GLRA3: variants seen among roughly 807,000 people sequenced by gnomAD.
The protein encoded by GLRA3 is glycine receptor subunit alpha-3.
Under a neutral mutation model 60.4 loss-of-function variants are expected in GLRA3, and 44 were observed. The observed-to-expected ratio is 0.73, with a 90% confidence interval of 0.57 to 0.94. GLRA3 has a LOEUF of 0.94. Ranked by LOEUF, GLRA3 falls within the 40% of genes least tolerant of loss-of-function variation. GLRA3 has a pLI of 0.00. For synonymous variants in GLRA3, 223 were observed against 192.9 expected (o/e 1.16, Z -1.29); for missense variants, 508 against 564.6 (o/e 0.90, Z 1.02).
intron 3 of GLRA3, among the ~76,000 whole-genome samples, chr4:174,737,350 T>A (rs1366062240): frequency 6.6e-6 from 1 of 152,194 alleles, no homozygotes; most frequent in African/African-American, 2.4e-5. Flanking sequence ...GCTTGGCATT[T>A]GATAAAAGAT....
rs1732583034 is a variant in GLRA3 at position 174,639,685 on chromosome 4, C to T, written c.*4101G>A. ...AGTAATTGGAGTACCAGGTGTCTCC[C>T]TATGGAAGTTCACTTTTTAATATCA... On this transcript the variant is annotated 3_prime_UTR_variant, in exon 10 of 10. Transcript: ENST00000274093. The T allele has an allele frequency of 1.3e-5, 2 of 151,962 alleles. No homozygotes were observed. The highest frequency in any genetic ancestry group is 2.4e-5 in the African/African-American group (1 of 41,380). 9.4% of individuals were successfully genotyped at this position (151,962 alleles called of 1,614,324 possible). A position where few individuals can be genotyped will look rare whatever the true frequency, so the allele number is the denominator to read the frequency against.
chr4:174,759,753 G>C (rs942231266), intron 3 of GLRA3, among the ~76,000 whole-genome samples: 5 of 151,950 alleles, frequency 3.3e-5, no homozygotes, highest in Admixed American at 2.0e-4. Context: ...ACTTGAAACC[G>C]ACCCATTAAA....
chr4:174,721,479 A>C (rs1736126056), intron 4 of GLRA3, among the ~76,000 whole-genome samples: 1 of 128,766 alleles, frequency 7.8e-6, no homozygotes, highest in Non-Finnish European at 1.7e-5. Context: ...TATAACATAT[A>C]TAACATATAT....
At chr4:174,722,457 AT>A (rs1266816824) in intron 4 of GLRA3, among the ~76,000 whole-genome samples, 2 of 152,136 alleles carry the variant, frequency 1.3e-5, no homozygotes, top group Non-Finnish European at 2.9e-5. Context: ...GAAAATATTA[AT>A]TATTCTCTTC....
At chr4:174,814,286 G>A (rs1387598261) in intron 1 of GLRA3, among the ~76,000 whole-genome samples, 1 of 152,158 alleles carries the variant, frequency 6.6e-6, no homozygotes, top group Non-Finnish European at 1.5e-5. Context: ...ATATTGATTA[G>A]TGGAAATGGC....
intron 5 of GLRA3, among the ~76,000 whole-genome samples, chr4:174,697,940 G>A (rs188272633): frequency 1.9e-4 from 29 of 152,260 alleles, no homozygotes; most frequent in African/African-American, 6.3e-4. Context: ...GGTTATAAGA[G>A]GGTCTTGCCC....
intron 4 of GLRA3, among the ~76,000 whole-genome samples, chr4:174,727,909 TAC>T (rs758537747): frequency 2.4e-4 from 36 of 152,274 alleles, no homozygotes; most frequent in Non-Finnish European, 4.7e-4. Flanking sequence ...TTTCACATAA[TAC>T]AGTGATTTTT....
chr4:174,800,130 C>T lies in GLRA3; in HGVS notation c.72-11187G>A, dbSNP rs76287101. Among the ~76,000 whole-genome samples the T allele has an allele frequency of 5.0e-3, 755 of 151,782 alleles. 4 individuals carry two copies. The highest frequency in any genetic ancestry group is 0.017 in the African/African-American group (717 of 41,430). On this transcript the variant is annotated intron_variant, in intron 1 of 9. Coordinates refer to ENST00000274093, the MANE Select transcript of GLRA3 (RefSeq NM_006529.4). ...ATAGCTAAAAAGAGAATTACTTGTT[C>T]GGAAAGCAAACCAGAAGAAAATGTA...
At chr4:174,794,567 C>A (rs1346498302) in intron 1 of GLRA3, among the ~76,000 whole-genome samples, 1 of 152,164 alleles carries the variant, frequency 6.6e-6, no homozygotes, top group Non-Finnish European at 1.5e-5. Flanking sequence ...ACCCTATTAA[C>A]AAGCACTCTC....
chr4:174,782,036 A>C (rs1738899293), intron 2 of GLRA3, among the ~76,000 whole-genome samples: 1 of 148,788 alleles, frequency 6.7e-6, no homozygotes, highest in East Asian at 2.0e-4. Context: ...TTAGACCAAT[A>C]TCCTTGATGA....
At chr4:174,814,054 G>A (rs1023738805) in intron 1 of GLRA3, among the ~76,000 whole-genome samples, 1 of 149,300 alleles carries the variant, frequency 6.7e-6, no homozygotes, top group Non-Finnish European at 1.5e-5. Context: ...CTCTGCAGCA[G>A]CATCAAGGGG....
intron 6 of GLRA3, among the ~76,000 whole-genome samples, chr4:174,679,675 T>C (rs1339396831): frequency 6.6e-6 from 1 of 152,152 alleles, no homozygotes; most frequent in Non-Finnish European, 1.5e-5. Context: ...GTAGTGTATA[T>C]ACACAATGGA....
intron 3 of GLRA3, among the ~76,000 whole-genome samples, chr4:174,739,383 C>T (rs1736922129): frequency 1.3e-5 from 2 of 151,870 alleles, no homozygotes; most frequent in Admixed American, 1.3e-4. Context: ...TTGCATTTGG[C>T]CAAGAATATT....
chr4:174,818,307 T>G (rs928322341), intron 1 of GLRA3, among the ~76,000 whole-genome samples: 5 of 152,210 alleles, frequency 3.3e-5, no homozygotes, highest in African/African-American at 1.2e-4. Flanking sequence ...ATTCTGATTT[T>G]TCTCTAGGAA....
At position 174,642,600 on chromosome 4, in the gene GLRA3, T is replaced by A. The variant is rs183428761; in HGVS notation, c.*1186A>T. On this transcript the variant is annotated 3_prime_UTR_variant, in exon 10 of 10. Coordinates refer to ENST00000274093, the MANE Select transcript of GLRA3 (RefSeq NM_006529.4). The stretch of plus-strand genomic sequence containing the variant: ...TAATCCCATGGGGTCATTGAAAAAT[T>A]TTATGTAAAAATTTCATTTAAAATT... 78 of 947,924 alleles carry A rather than the reference T, an allele frequency of 8.2e-5. 1 individual carries two copies. The Admixed American group carries it at 4.1e-3, about 50-fold the overall frequency. The allele number at this position is 947,924 out of a possible 1,614,324, so 58.7% of individuals were successfully genotyped here.
chr4:174,815,500 C>T (rs116472913), intron 1 of GLRA3, among the ~76,000 whole-genome samples: 1,916 of 152,290 alleles, frequency 0.013, 45 homozygotes, highest in African/African-American at 0.043. Context: ...ATGAGGGCTC[C>T]GCACCTGCAG....
intron 3 of GLRA3, among the ~76,000 whole-genome samples, chr4:174,747,176 G>T (rs757587848): frequency 2.6e-5 from 4 of 152,146 alleles, no homozygotes; most frequent in African/African-American, 7.2e-5. Flanking sequence ...ACTCAGGAGT[G>T]GCCATGTGAC....
intron 1 of GLRA3, among the ~76,000 whole-genome samples, chr4:174,790,681 T>C (rs1579613556): frequency 6.6e-6 from 1 of 151,928 alleles, no homozygotes; most frequent in African/African-American, 2.4e-5. Context: ...TCCTTCTCTT[T>C]TAAAAATACT....
At position 174,829,051 on chromosome 4, in the gene GLRA3, T is replaced by C. The variant is rs149403676; in HGVS notation, c.-240A>G. ...GATTTTTACAGTGAAATTACAAAAA[T>C]GAGTGAGATGAAATGTCTGAAGTGC... On this transcript the variant is annotated 5_prime_UTR_variant, in exon 1 of 10. Coordinates refer to ENST00000274093, the MANE Select transcript of GLRA3 (RefSeq NM_006529.4). 516 of 451,380 alleles carry C rather than the reference T, an allele frequency of 1.1e-3. 8 individuals are homozygous for C. Among genetic ancestry groups the C allele is most frequent in the African/African-American group, 9.6e-3 (487 of 50,508 alleles). The allele number at this position is 451,380 out of a possible 1,614,324, so 28.0% of individuals were successfully genotyped here.
Sources: allele counts gnomAD v4.1 joint callset (sites outside exome capture counted in the v4.1 genomes callset), GRCh38; gene constraint gnomAD v4.1.1; transcripts MANE v1.5; gene names NCBI Gene and HGNC (gene_info 2026-07-23, HGNC 2026-07-21).